Variants in DDX31 observed in about 807,000 individuals in gnomAD.
DDX31 encodes the protein ATP-dependent DNA helicase DDX31.
Under a neutral mutation model 91.3 loss-of-function variants are expected in DDX31, and 70 were observed. The ratio of observed to expected loss-of-function variants is 0.77; its 90% confidence interval spans 0.63 to 0.94. DDX31 has a LOEUF of 0.94. DDX31 is among the 40% of genes least tolerant of loss of function. DDX31 has a pLI of 0.00. For missense variants in DDX31, 902 were observed against 925.0 expected (o/e 0.98, Z 0.32); for synonymous variants, 362 against 350.6 (o/e 1.03, Z -0.36).
At chr9:132,609,065 G>A (rs1251602503) in intron 19 of DDX31, among the ~76,000 whole-genome samples, 1 of 152,150 alleles carries the variant, frequency 6.6e-6, no homozygotes, top group East Asian at 1.9e-4. Flanking sequence ...GGTGGGGGGA[G>A]GATCTAAGGA....
chr9:132,659,589 C>G, intron 5 of DDX31, 121 bp downstream of exon 5: 1 of 867,172 alleles, frequency 1.2e-6, no homozygotes, highest in Non-Finnish European at 1.8e-6. Flanking sequence ...AAAGCATGGC[C>G]TCCCTCCCCC....
At chr9:132,623,129 CAAAA>C (rs550048581) in intron 17 of DDX31, among the ~76,000 whole-genome samples, 1 of 119,574 alleles carries the variant, frequency 8.4e-6, no homozygotes, top group African/African-American at 3.1e-5. Context: ...GACTCCATCT[CAAAA>C]AAAAAAAAAG....
intron 15 of DDX31, among the ~76,000 whole-genome samples, chr9:132,631,676 G>A (rs1832730051): frequency 6.6e-6 from 1 of 152,182 alleles, no homozygotes; most frequent in African/African-American, 2.4e-5. Flanking sequence ...CAACGTACAC[G>A]GACACGGCTC....
chr9:132,651,428 T>G (rs1834178089), intron 7 of DDX31, among the ~76,000 whole-genome samples: 1 of 152,060 alleles, frequency 6.6e-6, no homozygotes, highest in African/African-American at 2.4e-5. Flanking sequence ...CACAAAAACG[T>G]AAGAGAATGA....
chr9:132,617,498 A>G (rs1831718287), intron 18 of DDX31, among the ~76,000 whole-genome samples: 1 of 152,110 alleles, frequency 6.6e-6, no homozygotes, highest in Non-Finnish European at 1.5e-5. Flanking sequence ...TTTGATAAAT[A>G]TTTGTCAAAT....
intron 14 of DDX31, chr9:132,638,110 A>C: frequency 7.3e-7 from 1 of 1,369,852 alleles, no homozygotes; most frequent in Non-Finnish European, 9.4e-7. Context: ...GCCAAGGAGG[A>C]TGCCAAGGGA....
chr9:132,640,753 C>T (rs572921226), intron 14 of DDX31, among the ~76,000 whole-genome samples: 1 of 152,286 alleles, frequency 6.6e-6, no homozygotes, highest in East Asian at 1.9e-4. Context: ...AGCGATCCTC[C>T]CACCTCGGCC....
chr9:132,625,030 C>A (rs1404133753), intron 17 of DDX31, among the ~76,000 whole-genome samples: 1 of 152,128 alleles, frequency 6.6e-6, no homozygotes, highest in Non-Finnish European at 1.5e-5. Flanking sequence ...TGCACCCACA[C>A]ACGGGAATAC....
At chr9:132,666,745 C>T (rs1309837095) in intron 1 of DDX31, among the ~76,000 whole-genome samples, 3 of 149,974 alleles carry the variant, frequency 2.0e-5, no homozygotes, top group Admixed American at 6.6e-5. Context: ...CTCGCTCTGT[C>T]GCCCAGGCTG....
chr9:132,637,998 A>G, intron 14 of DDX31: 1 of 1,078,934 alleles, frequency 9.3e-7, no homozygotes, highest in Non-Finnish European at 1.1e-6. Flanking sequence ...CTGCACAGAC[A>G]GAACAGTATG....
chr9:132,603,681 A>G (rs1292304765), intron 19 of DDX31, among the ~76,000 whole-genome samples: 1 of 152,212 alleles, frequency 6.6e-6, no homozygotes, highest in Non-Finnish European at 1.5e-5. Context: ...GTGCTAGGCC[A>G]GCCACATCTA....
Position 132,648,254 on chromosome 9 carries a change from A to G in DDX31, c.902T>C (p.Leu301Pro), listed in dbSNP as rs1432090598. Residue 301 changes from leucine (L) to proline (P), a missense_variant, in exon 11 of 20, where the codon CTT (leucine) becomes CCT (proline). Transcript: ENST00000372159. ...TTGGCATTCAGCATTTACAGCATTA[A>G]GTATCACTGTGATGTCCTTTTCAAA... is the stretch of plus-strand genomic sequence containing the variant. ...LGFEKDITVI[L>P]NAVNAECQKR... is the part of the protein sequence containing the mutation. 1 of 1,613,882 alleles carries G rather than the reference A, an allele frequency of 6.2e-7. No individual in the cohort carries two copies.
Position 132,614,072 on chromosome 9 carries a change from G to C in DDX31, c.1826-1817C>G, listed in dbSNP as rs144331301. The stretch of plus-strand genomic sequence containing the variant: ...CTCTCCTTGTTGAGCCACTGGACTG[G>C]CAAGTTTGCCCACAGCTTAAACATA... On this transcript the variant is annotated intron_variant, in intron 18 of 19. Coordinates refer to ENST00000372159, the MANE Select transcript of DDX31 (RefSeq NM_022779.9). 2.0e-3 allele frequency among the ~76,000 whole-genome samples: 303 copies of C among 152,272 alleles called. 2 individuals are homozygous for C. Among genetic ancestry groups the C allele is most frequent in the African/African-American group, 6.8e-3 (281 of 41,556 alleles).
chr9:132,659,717 C>A lies in DDX31; in HGVS notation c.516G>T (p.Thr172=). 1 of 1,610,376 alleles carries A rather than the reference C, an allele frequency of 6.2e-7. No homozygotes were observed. The highest frequency in any genetic ancestry group is 8.5e-7 in the Non-Finnish European group (1 of 1,178,118). The stretch of plus-strand genomic sequence containing the variant: ...AGATGAAATGAGACTAACCTGAGCC[C>A]GTCTGGGATCTCACGAGAGCATCTC... The part of the protein sequence containing the change: ...EGRDALVRSQ[T]GSGKTLAYCI... The change falls in exon 5 of 20, where the codon ACG becomes ACT. Residue 172 remains threonine (T), a synonymous_variant. Coordinates refer to ENST00000372159, the MANE Select transcript of DDX31 (RefSeq NM_022779.9).
In DDX31 at chr9:132,594,875, C is replaced by T. The variant is rs773005920; in HGVS notation, c.2232G>A (p.Gln744=). The change falls in exon 20 of 20, where the codon CAG becomes CAA. Residue 744 remains glutamine, a synonymous_variant. Transcript: ENST00000372159. The part of the protein sequence containing the change: ...KGVQRDSKTS[Q]KV ...AAGACCCAGAGAGATTTTAAACTTT[C>T]TGGGAAGTCTTGCTGTCCCGCTGTA... The T allele has an allele frequency of 6.2e-7, 1 of 1,613,230 alleles. No individual in the cohort carries two copies. Among genetic ancestry groups the T allele is most frequent in the Non-Finnish European group, 8.5e-7 (1 of 1,179,778 alleles).
intron 17 of DDX31, among the ~76,000 whole-genome samples, 165 bp downstream of exon 17, chr9:132,625,499 A>AG (rs1371895546): frequency 1.3e-5 from 2 of 151,040 alleles, no homozygotes; most frequent in Non-Finnish European, 2.9e-5. Context: ...AGCAAAGACG[A>AG]GGAAAAAAAA....
At chr9:132,607,532 C>G (rs1188551942) in intron 19 of DDX31, among the ~76,000 whole-genome samples, 3 of 152,148 alleles carry the variant, frequency 2.0e-5, no homozygotes, top group Non-Finnish European at 4.4e-5. Context: ...AGGGGTAAAA[C>G]CAGTCTTAGG....
chr9:132,648,444 TCAAACACCAACCACCGCAGCC>T lies in DDX31; in HGVS notation c.827_847del (p.Arg276_Asp283delinsHis), dbSNP rs748048286. ...GGACGAGGCTCACCTGTCTGCTTCA[TCAAACACCAACCACCGCAGCC>T]GACTAAAATGAATGTTCTTTGTGGA... On this transcript the variant is annotated inframe_deletion, in exon 10 of 20. Transcript: ENST00000372159. 1.9e-6 allele frequency: 3 copies of T among 1,613,864 alleles called. No homozygotes were observed. In the African/African-American group the frequency reaches 4.0e-5, roughly 22 times the overall value.
At chr9:132,652,861 T>G (rs532661837) in intron 6 of DDX31, among the ~76,000 whole-genome samples, 58 of 152,304 alleles carry the variant, frequency 3.8e-4, no homozygotes, top group Middle Eastern at 6.8e-3. Flanking sequence ...GTAAGAAATG[T>G]CTTTCGTCCT....
Sources: gnomAD v4.1 joint callset for allele counts (sites outside exome capture counted in the v4.1 genomes callset) on GRCh38, gnomAD v4.1.1 for gene constraint, MANE v1.5 for transcripts, NCBI Gene and HGNC (gene_info 2026-07-23, HGNC 2026-07-21) for gene names.